MTSS1: variants seen among roughly 807,000 people sequenced by gnomAD.
The protein encoded by MTSS1 is MTSS I-BAR domain containing 1.
In MTSS1, 18 loss-of-function variants were observed where a neutral mutation model predicts 79.0. The observed-to-expected ratio is 0.23, with a 90% CI of 0.16 to 0.34. MTSS1 has a LOEUF of 0.34. Among genes scored for constraint, MTSS1 ranks in the 10% least tolerant of loss-of-function variants. The pLI, the probability that MTSS1 is intolerant of heterozygous loss-of-function variation, is 1.00. For missense variants in MTSS1, 815 were observed against 986.2 expected (o/e 0.83, Z 2.33); for synonymous variants, 341 against 368.6 (o/e 0.93, Z 0.86).
chr8:124,576,771 C>T (rs1408612780), intron 6 of MTSS1, among the ~76,000 whole-genome samples: 1 of 152,208 alleles, frequency 6.6e-6, no homozygotes, highest in Non-Finnish European at 1.5e-5. Context: ...CCTGCCATTC[C>T]GTCAGGCTTT....
chr8:124,647,253 G>C (rs947356129), intron 3 of MTSS1, among the ~76,000 whole-genome samples: 1 of 152,152 alleles, frequency 6.6e-6, no homozygotes, highest in Non-Finnish European at 1.5e-5. Flanking sequence ...TTCATGTTTG[G>C]ATACATCTAG....
intron 11 of MTSS1, 94 bp downstream of exon 11, chr8:124,557,587 G>T: frequency 8.0e-7 from 1 of 1,250,962 alleles, no homozygotes; most frequent in Non-Finnish European, 1.1e-6. Context: ...GAAAGGAAGG[G>T]GATGAGGGGA....
chr8:124,640,834 G>A (rs554421560), intron 3 of MTSS1, among the ~76,000 whole-genome samples: 20 of 152,248 alleles, frequency 1.3e-4, no homozygotes, highest in Non-Finnish European at 2.5e-4. Flanking sequence ...GAGCCACCGT[G>A]CCCGGCCTCA....
chr8:124,659,026 T>C (rs1821505417), intron 3 of MTSS1, among the ~76,000 whole-genome samples: 1 of 152,196 alleles, frequency 6.6e-6, no homozygotes, highest in African/African-American at 2.4e-5. Flanking sequence ...TTCAAATGAA[T>C]CTGAACAAAC....
intron 7 of MTSS1, chr8:124,568,043 G>C (rs1265360515): frequency 1.9e-6 from 2 of 1,057,772 alleles, no homozygotes; most frequent in East Asian, 2.8e-5. Context: ...CCAGAGGTTT[G>C]GACTTGGTGG....
At chr8:124,656,668 C>T (rs1452263084) in intron 3 of MTSS1, among the ~76,000 whole-genome samples, 1 of 150,802 alleles carries the variant, frequency 6.6e-6, no homozygotes, top group Non-Finnish European at 1.5e-5. Flanking sequence ...GTCCCAACTA[C>T]TCAGGAGGCT....
Position 124,562,778 on chromosome 8 carries a change from T to G in MTSS1, c.1035+4A>C, listed in dbSNP as rs945149359. The G allele has an allele frequency of 3.1e-6, 5 of 1,613,510 alleles. No homozygotes were observed. The African/African-American group carries it at 6.7e-5, about 22-fold the overall frequency. ...GCTGCTCCTGGAGCCAAGGGCACCC[T>G]TACCTGGTTGGGGGCCTCTGGCGGC... is the stretch of plus-strand genomic sequence containing the variant. On this transcript the variant is annotated splice_donor_region_variant and intron_variant, in intron 10 of 13. Coordinates refer to ENST00000518547, the MANE Select transcript of MTSS1 (RefSeq NM_014751.6).
At chr8:124,652,975 T>C (rs1205904568) in intron 3 of MTSS1, among the ~76,000 whole-genome samples, 2 of 152,240 alleles carry the variant, frequency 1.3e-5, no homozygotes, top group African/African-American at 4.8e-5. Context: ...TTGATGGCAG[T>C]GAATTCTCTG....
chr8:124,568,095 C>A, intron 7 of MTSS1: 1 of 747,284 alleles, frequency 1.3e-6, no homozygotes, highest in Non-Finnish European at 2.0e-6. Flanking sequence ...AGCCAGTTCC[C>A]ACGTGATGCT....
chr8:124,616,734 G>A (rs1208433918), intron 3 of MTSS1, among the ~76,000 whole-genome samples: 1 of 152,124 alleles, frequency 6.6e-6, no homozygotes, highest in African/African-American at 2.4e-5. Context: ...ACAGTATCAG[G>A]GACAGAACTA....
chr8:124,578,961 C>T lies in MTSS1; in HGVS notation c.460+6126G>A, dbSNP rs118039102. Among the ~76,000 whole-genome samples, 314 of 152,234 alleles carry T rather than the reference C, an allele frequency of 2.1e-3. 7 individuals are homozygous for T. In the East Asian group the frequency reaches 0.037, roughly 18 times the overall value. ...ATATTTTAAACATTTATGAGAGCTA[C>T]AAATCATATAGCTTTTCTTGTGTAT... is the stretch of plus-strand genomic sequence containing the variant. On this transcript the variant is annotated intron_variant, in intron 6 of 13. Coordinates refer to ENST00000518547, the MANE Select transcript of MTSS1 (RefSeq NM_014751.6).
At chr8:124,664,451 A>T (rs551204871) in intron 3 of MTSS1, among the ~76,000 whole-genome samples, 1 of 152,094 alleles carries the variant, frequency 6.6e-6, no homozygotes, top group South Asian at 2.1e-4. Context: ...AGGTTGCAAA[A>T]TGTCTCTTTA....
chr8:124,661,524 G>A (rs921251645), intron 3 of MTSS1, among the ~76,000 whole-genome samples: 18 of 152,194 alleles, frequency 1.2e-4, no homozygotes, highest in African/African-American at 3.9e-4. Flanking sequence ...GGGAAGATAC[G>A]TGTGACCATC....
chr8:124,706,281 A>G (rs1333485252), intron 1 of MTSS1, among the ~76,000 whole-genome samples: 2 of 152,208 alleles, frequency 1.3e-5, no homozygotes, highest in East Asian at 1.9e-4. Flanking sequence ...ATCTGGACCA[A>G]TGTATTGCTT....
intron 3 of MTSS1, among the ~76,000 whole-genome samples, chr8:124,645,600 C>T (rs1028034438): frequency 6.6e-6 from 1 of 152,046 alleles, no homozygotes; most frequent in Non-Finnish European, 1.5e-5. Context: ...TTAAAGCACA[C>T]CAGTTTACCA....
intron 7 of MTSS1, among the ~76,000 whole-genome samples, chr8:124,567,405 A>G (rs1034032171): frequency 2.6e-5 from 4 of 152,252 alleles, no homozygotes; most frequent in Non-Finnish European, 4.4e-5. Context: ...CACAGGGGAC[A>G]GTGGGGAACA....
At chr8:124,600,185 C>G (rs912054817) in intron 3 of MTSS1, among the ~76,000 whole-genome samples, 1 of 152,096 alleles carries the variant, frequency 6.6e-6, no homozygotes, top group Non-Finnish European at 1.5e-5. Context: ...TAGATTTTTA[C>G]AAATTTTGTT....
chr8:124,721,593 A>C (rs961838793), intron 1 of MTSS1, among the ~76,000 whole-genome samples: 1 of 151,988 alleles, frequency 6.6e-6, no homozygotes, highest in African/African-American at 2.4e-5. Context: ...TATTTTTTGC[A>C]GAGATGGGGT....
At chr8:124,658,751 A>G (rs1821450131) in intron 3 of MTSS1, among the ~76,000 whole-genome samples, 1 of 152,130 alleles carries the variant, frequency 6.6e-6, no homozygotes, top group Non-Finnish European at 1.5e-5. Context: ...ACAGCAGCAA[A>G]GCGCCAAGGG....
Sources: allele counts gnomAD v4.1 joint callset (sites outside exome capture counted in the v4.1 genomes callset), GRCh38; gene constraint gnomAD v4.1.1; transcripts MANE v1.5; gene names NCBI Gene and HGNC (gene_info 2026-07-23, HGNC 2026-07-21).